Variants in FGF14 observed in about 807,000 individuals in gnomAD.
The protein encoded by FGF14 is fibroblast growth factor homologous factor 4.
In FGF14, 5 loss-of-function variants were observed where a neutral mutation model predicts 25.5. The ratio of observed to expected loss-of-function variants is 0.20; its 90% CI spans 0.10 to 0.41. The LOEUF is 0.41. Ranked by LOEUF, FGF14 falls within the 10% of genes least tolerant of loss-of-function variation. FGF14 has a pLI of 1.00. For missense variants in FGF14, 222 were observed against 320.1 expected (o/e 0.69, Z 2.34); for synonymous variants, 138 against 118.3 (o/e 1.17, Z -1.08).
intron 1 of FGF14, among the ~76,000 whole-genome samples, chr13:102,178,619 T>G (rs1422630771): frequency 6.6e-6 from 1 of 152,122 alleles, no homozygotes; most frequent in African/African-American, 2.4e-5. Flanking sequence ...TAGCTCCCAC[T>G]TCTAAGCAAG....
At chr13:101,741,489 C>G (rs1197268599) in intron 3 of FGF14, among the ~76,000 whole-genome samples, 2 of 151,626 alleles carry the variant, frequency 1.3e-5, no homozygotes, top group East Asian at 3.9e-4. Flanking sequence ...AGTAAAAGAC[C>G]AAAAAAACCC....
intron 1 of FGF14, among the ~76,000 whole-genome samples, chr13:102,058,576 A>T (rs1414558892): frequency 6.6e-6 from 1 of 152,232 alleles, no homozygotes; most frequent in Non-Finnish European, 1.5e-5. Context: ...GACAAATATA[A>T]AGGGTAAAAA....
chr13:101,936,895 T>C (rs1232978411), intron 1 of FGF14, among the ~76,000 whole-genome samples: 1 of 152,194 alleles, frequency 6.6e-6, no homozygotes, highest in Non-Finnish European at 1.5e-5. Flanking sequence ...AATGTTCTCT[T>C]CCTAGGCAGA....
chr13:102,361,642 T>A (rs2057569085), intron 1 of FGF14, among the ~76,000 whole-genome samples: 1 of 152,200 alleles, frequency 6.6e-6, no homozygotes, highest in South Asian at 2.1e-4. Context: ...ATGCTGTTGT[T>A]CTTCAGTTCC....
intron 1 of FGF14, among the ~76,000 whole-genome samples, chr13:102,127,105 T>C (rs777822718): frequency 1.8e-4 from 27 of 152,014 alleles, no homozygotes; most frequent in South Asian, 1.0e-3. Flanking sequence ...ACTCATATTA[T>C]ATATATATAC....
chr13:101,966,494 T>G (rs558861287), intron 1 of FGF14, among the ~76,000 whole-genome samples: 5 of 151,976 alleles, frequency 3.3e-5, no homozygotes, highest in African/African-American at 1.2e-4. Flanking sequence ...TTTGTTTTTG[T>G]TTTTTTGAGA....
chr13:101,751,341 T>A (rs1316357468), intron 3 of FGF14, among the ~76,000 whole-genome samples: 2 of 152,120 alleles, frequency 1.3e-5, no homozygotes, highest in Non-Finnish European at 2.9e-5. Context: ...ACTGCTCAAT[T>A]TATCTGTAAA....
intron 1 of FGF14, among the ~76,000 whole-genome samples, chr13:101,912,715 A>G (rs192233476): frequency 6.6e-6 from 1 of 152,188 alleles, no homozygotes; most frequent in Admixed American, 6.5e-5. Context: ...TAATTCTCTT[A>G]AAAAAAGATA....
chr13:101,899,411 T>C (rs2031222638), intron 1 of FGF14, among the ~76,000 whole-genome samples: 1 of 151,890 alleles, frequency 6.6e-6, no homozygotes, highest in Non-Finnish European at 1.5e-5. Context: ...ATGATGGAGA[T>C]ATAACCAAAG....
intron 3 of FGF14, among the ~76,000 whole-genome samples, chr13:101,801,493 A>G (rs1486968462): frequency 6.6e-6 from 1 of 152,146 alleles, no homozygotes; most frequent in Non-Finnish European, 1.5e-5. Flanking sequence ...GTGCTCTAAT[A>G]AAACTTTATT....
chr13:102,374,199 C>T (rs1053668022), intron 1 of FGF14, among the ~76,000 whole-genome samples: 1 of 152,020 alleles, frequency 6.6e-6, no homozygotes, highest in Non-Finnish European at 1.5e-5. Context: ...TTTCAAAGTA[C>T]AAAGAAGATG....
intron 1 of FGF14, among the ~76,000 whole-genome samples, chr13:102,338,324 C>G (rs1051955493): frequency 1.3e-5 from 2 of 152,116 alleles, no homozygotes; most frequent in Non-Finnish European, 2.9e-5. Flanking sequence ...TCCATGCCCC[C>G]CCTTCTGCCC....
chr13:101,758,740 A>G (rs1011208700), intron 3 of FGF14, among the ~76,000 whole-genome samples: 1 of 152,200 alleles, frequency 6.6e-6, no homozygotes, highest in African/African-American at 2.4e-5. Flanking sequence ...CTACAGGAAC[A>G]TATGTAGTGA....
chr13:102,204,460 G>C (rs2049813160), intron 1 of FGF14, among the ~76,000 whole-genome samples: 1 of 152,214 alleles, frequency 6.6e-6, no homozygotes, highest in Non-Finnish European at 1.5e-5. Context: ...CAGCAGGGCA[G>C]AGTGAGTTGG....
At chr13:102,082,619 A>G (rs1181601374) in intron 1 of FGF14, among the ~76,000 whole-genome samples, 1 of 152,234 alleles carries the variant, frequency 6.6e-6, no homozygotes, top group Non-Finnish European at 1.5e-5. Flanking sequence ...ATGCCTTGAC[A>G]AAGTATAATA....
At chr13:102,346,361 T>A (rs778243516) in intron 1 of FGF14, among the ~76,000 whole-genome samples, 21 of 152,082 alleles carry the variant, frequency 1.4e-4, no homozygotes, top group Non-Finnish European at 2.9e-4. Flanking sequence ...TATAAATAAC[T>A]ATATAATTGA....
intron 1 of FGF14, among the ~76,000 whole-genome samples, chr13:102,265,406 A>G (rs2052939808): frequency 6.6e-6 from 1 of 152,284 alleles, no homozygotes; most frequent in East Asian, 1.9e-4. Flanking sequence ...GTCGATCTCC[A>G]TCAGACTTGG....
At chr13:102,328,868 T>A (rs1019849003) in intron 1 of FGF14, among the ~76,000 whole-genome samples, 1 of 152,200 alleles carries the variant, frequency 6.6e-6, no homozygotes, top group African/African-American at 2.4e-5. Flanking sequence ...TTTGTAGGAA[T>A]AGGAAAATCC....
intron 1 of FGF14, among the ~76,000 whole-genome samples, chr13:101,891,832 G>A (rs1396849545): frequency 2.0e-5 from 3 of 152,144 alleles, no homozygotes; most frequent in Non-Finnish European, 2.9e-5. Flanking sequence ...CCAAGCTGCT[G>A]AATGTAGTAG....
Sources: allele counts gnomAD v4.1 joint callset (sites outside exome capture counted in the v4.1 genomes callset), GRCh38; gene constraint gnomAD v4.1.1; transcripts MANE v1.5; gene names NCBI Gene and HGNC (gene_info 2026-07-23, HGNC 2026-07-21).